Variants in COL5A2 observed in about 807,000 individuals in gnomAD.
The protein encoded by COL5A2 is collagen alpha-2(V) chain.
A neutral mutation model predicts 208.2 loss-of-function variants in COL5A2; 23 were observed. The observed-to-expected ratio is 0.11, with a 90% CI of 0.08 to 0.16. The LOEUF (loss-of-function observed/expected upper bound fraction) is 0.16. COL5A2 is among the 10% of genes least tolerant of loss of function. The pLI, the probability that COL5A2 is intolerant of heterozygous loss-of-function variation, is 1.00. For synonymous variants in COL5A2, 625 were observed against 628.5 expected (o/e 0.99, Z 0.08); for missense variants, 1,590 against 1,956.4 (o/e 0.81, Z 3.53).
At chr2:189,322,273 G>A in the COL5A2 span, among the ~76,000 whole-genome samples, 2 of 151,978 alleles carry the variant, frequency 1.3e-5, no homozygotes, top group East Asian at 3.9e-4. Context: ...AAGAACTAGA[G>A]AAGCAAGAGC....
chr2:189,100,480 T>A (rs926012288), intron 3 of COL5A2, among the ~76,000 whole-genome samples: 4 of 151,908 alleles, frequency 2.6e-5, no homozygotes, highest in Middle Eastern at 3.2e-3. Flanking sequence ...GAAAAACTAC[T>A]GAAAGACTGA....
chr2:189,131,185 C>T (rs976793086), intron 1 of COL5A2, among the ~76,000 whole-genome samples: 10 of 152,118 alleles, frequency 6.6e-5, no homozygotes, highest in South Asian at 4.1e-4. Flanking sequence ...TTTCAAATGA[C>T]GATTCTTATT....
At chr2:189,041,835 T>A (rs2153506848) in intron 49 of COL5A2, 142 bp from the exon 50 acceptor site, 1 of 628,798 alleles carries the variant, frequency 1.6e-6, no homozygotes, top group Admixed American at 2.8e-5. Flanking sequence ...TAAATGAACT[T>A]CTGGTACTTT....
chr2:189,037,228 A>G (rs1685462216), intron 51 of COL5A2, among the ~76,000 whole-genome samples: 1 of 152,228 alleles, frequency 6.6e-6, no homozygotes, highest in South Asian at 2.1e-4. Context: ...AAGTGAATAA[A>G]TAAGTTGAAT....
chr2:189,341,217 TCATGTAGAGTGACTAA>T, the COL5A2 span, among the ~76,000 whole-genome samples: 1 of 152,158 alleles, frequency 6.6e-6, no homozygotes, highest in Non-Finnish European at 1.5e-5. Context: ...ACTCTAGATG[TCATGTAGAGTGACTAA>T]CATGTAGAGT....
intron 1 of COL5A2, among the ~76,000 whole-genome samples, chr2:189,154,059 T>C (rs1242792405): frequency 6.6e-6 from 1 of 152,118 alleles, no homozygotes; most frequent in African/African-American, 2.4e-5. Flanking sequence ...GTCAATGTTA[T>C]AGTGTCTTGA....
intron 46 of COL5A2, 21 bp downstream of exon 46, chr2:189,045,779 T>G: frequency 1.3e-5 from 21 of 1,598,550 alleles, no homozygotes; most frequent in Non-Finnish European, 1.6e-5. Context: ...ACTGTCAGTG[T>G]GAAATTGACT....
At chr2:189,267,910 T>C in the COL5A2 span, among the ~76,000 whole-genome samples, 265 of 152,338 alleles carry the variant, frequency 1.7e-3, no homozygotes, top group Non-Finnish European at 2.6e-3. Flanking sequence ...CCAGTGCTTT[T>C]TTATCAATCC....
chr2:189,068,227 G>T lies in COL5A2; in HGVS notation c.1301C>A (p.Thr434Lys), dbSNP rs145850743. 1.2e-6 allele frequency: 2 copies of T among 1,613,666 alleles called. No individual in the cohort carries two copies. The highest frequency in any genetic ancestry group is 1.7e-6 in the Non-Finnish European group (2 of 1,179,586). ...ACATGCCATAAATGCAGTACTCACC[G>T]TTGGGCCTTTGGCACCAGGAGTACC... Reference protein sequence around the residue: ...TDGTPGAKGPTGSPGTSGPPG... With the variant: ...TDGTPGAKGPKGSPGTSGPPG... Residue 434 changes from threonine (T) to lysine (K), a missense_variant and splice_region_variant, in exon 20 of 54, where the codon ACG (threonine) becomes AAG (lysine). Thr to Lys is a moderately conservative substitution (Grantham distance 78, BLOSUM62 -1). Transcript: ENST00000374866.
chr2:189,380,036 T>TATATA, the COL5A2 span, among the ~76,000 whole-genome samples: 173 of 150,004 alleles, frequency 1.2e-3, no homozygotes, highest in African/African-American at 4.1e-3. Flanking sequence ...GTGAAATATT[T>TATATA]TATATATATA....
chr2:189,419,755 C>T, the COL5A2 span, among the ~76,000 whole-genome samples: 1 of 151,820 alleles, frequency 6.6e-6, no homozygotes, highest in Admixed American at 6.6e-5. Context: ...ATGATCCTAC[C>T]ACTGCACTTC....
rs556279846 is a variant in COL5A2 at position 189,105,329 on chromosome 2, T to C, written c.323-1052A>G. On this transcript the variant is annotated intron_variant, in intron 2 of 53. Coordinates refer to ENST00000374866, the MANE Select transcript of COL5A2 (RefSeq NM_000393.5). ...ATACCACTTTACACTCCACAAATAA[T>C]GGACACATTTCCCCACAGGCAATAT... 2.6e-5 allele frequency among the ~76,000 whole-genome samples: 4 copies of C among 151,726 alleles called. No individual in the cohort carries two copies. The South Asian group carries it at 8.3e-4, about 31-fold the overall frequency.
rs181697728 is a variant in COL5A2 at position 189,058,963 on chromosome 2, A to C, written c.2086-70T>G. ...TTAGGCATTTATCAGAAAACTTTCC[A>C]GTTCATACACCTAGTTTCTATTAAT... On this transcript the variant is annotated intron_variant, in intron 31 of 53. Transcript: ENST00000374866. The C allele has an allele frequency of 1.7e-5, 21 of 1,262,336 alleles. No homozygotes were observed. The East Asian group carries it at 4.2e-4, about 25-fold the overall frequency. The allele number at this position is 1,262,336 out of a possible 1,614,324, so 78.2% of individuals were successfully genotyped here. A position where few individuals can be genotyped will look rare whatever the true frequency, so the allele number is the denominator to read the frequency against.
chr2:189,221,791 C>A (rs1689350329), intron 1 of COL5A2, among the ~76,000 whole-genome samples: 1 of 151,970 alleles, frequency 6.6e-6, no homozygotes, highest in Admixed American at 6.6e-5. Flanking sequence ...TGTTATCTAC[C>A]CCTCACAGGC....
intron 1 of COL5A2, among the ~76,000 whole-genome samples, chr2:189,174,736 G>A (rs971927461): frequency 3.9e-5 from 6 of 152,174 alleles, no homozygotes; most frequent in African/African-American, 1.4e-4. Flanking sequence ...ACACTGATCT[G>A]TGGCTTGCTT....
intron 1 of COL5A2, among the ~76,000 whole-genome samples, chr2:189,184,895 A>G (rs1688829578): frequency 6.6e-6 from 1 of 152,216 alleles, no homozygotes. Flanking sequence ...GGCTAGCATG[A>G]TATAAGATTA....
intron 8 of COL5A2, among the ~76,000 whole-genome samples, chr2:189,088,372 G>T (rs973614002): frequency 6.6e-6 from 1 of 152,092 alleles, no homozygotes; most frequent in African/African-American, 2.4e-5. Context: ...AAATAGTTCT[G>T]CTTTTTATTT....
the COL5A2 span, among the ~76,000 whole-genome samples, chr2:189,347,529 C>A: frequency 2.6e-5 from 4 of 152,178 alleles, no homozygotes; most frequent in African/African-American, 9.7e-5. Flanking sequence ...ATTGGTGCCA[C>A]AAGTCATCAT....
chr2:189,407,848 T>C, the COL5A2 span, among the ~76,000 whole-genome samples: 1 of 152,198 alleles, frequency 6.6e-6, no homozygotes, highest in Non-Finnish European at 1.5e-5. Context: ...AGTTGACCTG[T>C]AGTCAGGAAA....
Sources: allele counts gnomAD v4.1 joint callset (sites outside exome capture counted in the v4.1 genomes callset), GRCh38; gene constraint gnomAD v4.1.1; transcripts MANE v1.5; gene names NCBI Gene and HGNC (gene_info 2026-07-23, HGNC 2026-07-21).